Variants in TNFRSF21 observed in about 807,000 individuals in gnomAD.
The protein encoded by TNFRSF21 is TNF receptor superfamily member 21, also known as tumor necrosis factor receptor superfamily member 21.
In TNFRSF21, 19 loss-of-function variants were observed where a neutral mutation model predicts 45.6. The observed-to-expected ratio is 0.42, with a 90% CI of 0.29 to 0.61. The LOEUF (loss-of-function observed/expected upper bound fraction) is 0.61. Among genes scored for constraint, TNFRSF21 ranks in the 20% least tolerant of loss-of-function variants. The pLI is 0.23. For synonymous variants in TNFRSF21, 314 were observed against 335.5 expected (o/e 0.94, Z 0.70); for missense variants, 737 against 851.5 (o/e 0.87, Z 1.67).
intron 2 of TNFRSF21, among the ~76,000 whole-genome samples, chr6:47,285,589 C>T (rs1392108324): frequency 6.6e-6 from 1 of 152,130 alleles, no homozygotes; most frequent in East Asian, 1.9e-4. Flanking sequence ...CTGGAAGGAA[C>T]CTTAAACATC....
At chr6:47,302,582 C>G (rs1256927303) in intron 1 of TNFRSF21, among the ~76,000 whole-genome samples, 1 of 152,168 alleles carries the variant, frequency 6.6e-6, no homozygotes, top group African/African-American at 2.4e-5. Flanking sequence ...AAATGCTTAC[C>G]AATGACTGCA....
At chr6:47,233,093 TCC>T in intron 5 of TNFRSF21, 99 bp from the exon 6 acceptor site, 1 of 1,027,626 alleles carries the variant, frequency 9.7e-7, no homozygotes, top group African/African-American at 1.6e-5. Context: ...GACATCTATG[TCC>T]CCCCCAGCCT....
intron 3 of TNFRSF21, among the ~76,000 whole-genome samples, chr6:47,274,713 G>A (rs1762472456): frequency 6.6e-6 from 1 of 152,134 alleles, no homozygotes; most frequent in Non-Finnish European, 1.5e-5. Context: ...CCTACGGAAT[G>A]GGAGAAAATT....
At chr6:47,261,099 C>A (rs1056142162) in intron 3 of TNFRSF21, among the ~76,000 whole-genome samples, 19 of 152,280 alleles carry the variant, frequency 1.2e-4, no homozygotes, top group African/African-American at 3.4e-4. Flanking sequence ...TAACACCCCC[C>A]CAAACCTCCC....
At chr6:47,240,304 G>T in intron 4 of TNFRSF21, among the ~76,000 whole-genome samples, 1 of 152,280 alleles carries the variant, frequency 6.6e-6, no homozygotes, top group South Asian at 2.1e-4. Context: ...TTTAATAATG[G>T]TTTTTAAAAG....
chr6:47,284,654 C>A lies in TNFRSF21; in HGVS notation c.749-222G>T, dbSNP rs557969486. 1.7e-3 allele frequency among the ~76,000 whole-genome samples: 255 copies of A among 152,286 alleles called. 2 individuals are homozygous for A. The highest frequency in any genetic ancestry group is 5.6e-3 in the African/African-American group (232 of 41,546). On this transcript the variant is annotated intron_variant, in intron 2 of 5. Coordinates refer to ENST00000296861, the MANE Select transcript of TNFRSF21 (RefSeq NM_014452.5). The stretch of plus-strand genomic sequence containing the variant: ...GAACCACTAAACTCACATTCTTACA[C>A]CAAAACCAAGGGCAACCTTAAGGAT...
chr6:47,279,736 T>C (rs1244642355), intron 3 of TNFRSF21, among the ~76,000 whole-genome samples: 1 of 152,212 alleles, frequency 6.6e-6, no homozygotes, highest in Admixed American at 6.5e-5. Context: ...TATTCTTATC[T>C]GGCTGACACT....
At chr6:47,255,182 C>G (rs1463591581) in intron 3 of TNFRSF21, among the ~76,000 whole-genome samples, 1 of 152,182 alleles carries the variant, frequency 6.6e-6, no homozygotes, top group Non-Finnish European at 1.5e-5. Context: ...ATCTGATGAA[C>G]AGATGAAATG....
At chr6:47,233,220 G>A (rs948262224) in intron 5 of TNFRSF21, among the ~76,000 whole-genome samples, 1 of 152,194 alleles carries the variant, frequency 6.6e-6, no homozygotes, top group African/African-American at 2.4e-5. Context: ...AGATTTGCCT[G>A]GTAGAGATCA....
chr6:47,287,015 T>C (rs1325613979), intron 1 of TNFRSF21, among the ~76,000 whole-genome samples: 1 of 152,184 alleles, frequency 6.6e-6, no homozygotes, highest in East Asian at 1.9e-4. Flanking sequence ...AATTTGCAAT[T>C]TGCAAAATTT....
At position 47,233,009 on chromosome 6, in the gene TNFRSF21, G is replaced by A; in HGVS notation, c.1739-15C>T. ...GTCCTTCTTTTCTGCAGAGAAGAGA[G>A]GGAAGCAAAGACAGCTGTAAGGTGA... On this transcript the variant is annotated splice_polypyrimidine_tract_variant and intron_variant, in intron 5 of 5. Coordinates refer to ENST00000296861, the MANE Select transcript of TNFRSF21 (RefSeq NM_014452.5). The A allele has an allele frequency of 6.2e-7, 1 of 1,612,722 alleles. No homozygotes were observed.
chr6:47,258,443 AC>A (rs1229025248), intron 3 of TNFRSF21, among the ~76,000 whole-genome samples: 1 of 151,144 alleles, frequency 6.6e-6, no homozygotes, highest in Non-Finnish European at 1.5e-5. Context: ...GACCACAGTA[AC>A]TTTTGCACCA....
intron 3 of TNFRSF21, among the ~76,000 whole-genome samples, chr6:47,276,213 A>AC (rs1762495633): frequency 6.6e-6 from 1 of 152,144 alleles, no homozygotes; most frequent in South Asian, 2.1e-4. Context: ...CATGGCAGGT[A>AC]CACCTGTGAG....
chr6:47,288,820 G>T (rs988314004), intron 1 of TNFRSF21, among the ~76,000 whole-genome samples: 1 of 152,180 alleles, frequency 6.6e-6, no homozygotes. Flanking sequence ...ACAGAGGCGG[G>T]CCCTTGGCAT....
At chr6:47,295,362 G>T (rs1762778382) in intron 1 of TNFRSF21, among the ~76,000 whole-genome samples, 1 of 152,132 alleles carries the variant, frequency 6.6e-6, no homozygotes, top group African/African-American at 2.4e-5. Flanking sequence ...CTAATTTTTA[G>T]CGGAAAATGA....
intron 3 of TNFRSF21, among the ~76,000 whole-genome samples, chr6:47,255,382 T>C (rs1764970523): frequency 6.6e-6 from 1 of 152,164 alleles, no homozygotes; most frequent in African/African-American, 2.4e-5. Context: ...GGGATGCATA[T>C]ATCACCCTTA....
chr6:47,285,830 G>A (rs1762637648), intron 2 of TNFRSF21, 114 bp downstream of exon 2: 1 of 1,200,154 alleles, frequency 8.3e-7, no homozygotes, highest in East Asian at 2.5e-5. Flanking sequence ...TCTCTCCAAG[G>A]GGTGACTTTG....
At chr6:47,271,360 T>C (rs548894550) in intron 3 of TNFRSF21, among the ~76,000 whole-genome samples, 17 of 152,252 alleles carry the variant, frequency 1.1e-4, no homozygotes, top group Admixed American at 5.2e-4. Context: ...GGACAATATT[T>C]AACATTCTTA....
intron 3 of TNFRSF21, among the ~76,000 whole-genome samples, chr6:47,263,986 A>G (rs1445786955): frequency 2.0e-5 from 3 of 152,238 alleles, no homozygotes; most frequent in Admixed American, 2.0e-4. Context: ...CTATACATAC[A>G]TTGCCATGTT....
Sources: allele counts gnomAD v4.1 joint callset (sites outside exome capture counted in the v4.1 genomes callset), GRCh38; gene constraint gnomAD v4.1.1; transcripts MANE v1.5; gene names NCBI Gene and HGNC (gene_info 2026-07-23, HGNC 2026-07-21).